The following ABTB2 variants were observed in gnomAD, a reference collection of about 807,000 sequenced individuals.
ABTB2 encodes ankyrin repeat and BTB/POZ domain-containing protein 2.
In ABTB2, 56 loss-of-function variants were observed where a neutral mutation model predicts 104.1. That is an observed-to-expected ratio of 0.54 (90% CI 0.43 to 0.67). The LOEUF (loss-of-function observed/expected upper bound fraction) is 0.67, where lower values mean the gene tolerates loss of function less well. Ranked by LOEUF, ABTB2 falls within the 30% of genes least tolerant of loss-of-function variation. The pLI, the probability that ABTB2 is intolerant of heterozygous loss-of-function variation, is 0.00. For synonymous variants in ABTB2, 606 were observed against 608.2 expected, an observed-to-expected ratio of 1.00 and a Z score of 0.05; for missense variants, 1,279 against 1,407.7, an observed-to-expected ratio of 0.91 and a Z score of 1.46.
chr11:34,158,116 G>C (rs1852654442), intron 14 of ABTB2, among the ~76,000 whole-genome samples: 1 of 152,180 alleles, frequency 6.6e-6, no homozygotes, highest in Non-Finnish European at 1.5e-5. Flanking sequence ...TCCTCCTACT[G>C]CTTAAAACCT....
At chr11:34,236,352 T>C (rs188735543) in intron 1 of ABTB2, among the ~76,000 whole-genome samples, 17 of 152,332 alleles carry the variant, frequency 1.1e-4, no homozygotes, top group Non-Finnish European at 2.5e-4. Context: ...ACACTTGTCT[T>C]CTACCTCCAG....
At chr11:34,237,304 C>G (rs367645158) in intron 1 of ABTB2, among the ~76,000 whole-genome samples, 1 of 138,252 alleles carries the variant, frequency 7.2e-6, no homozygotes, top group Non-Finnish European at 1.5e-5. Flanking sequence ...TTTTTTAGAC[C>G]GAGTCTCGCT....
At chr11:34,166,041 G>C (rs1461237934) in intron 7 of ABTB2, among the ~76,000 whole-genome samples, 1 of 152,250 alleles carries the variant, frequency 6.6e-6, no homozygotes, top group East Asian at 1.9e-4. Flanking sequence ...AGCCGGTCCT[G>C]GCTCTGCCTT....
intron 10 of ABTB2, among the ~76,000 whole-genome samples, chr11:34,161,823 CAGT>C (rs1852724932): frequency 6.6e-6 from 1 of 152,208 alleles, no homozygotes; most frequent in South Asian, 2.1e-4. Flanking sequence ...GACACATTGA[CAGT>C]AGTGTGGTGT....
chr11:34,355,265 AAAAC>A (rs3832736), intron 1 of ABTB2, among the ~76,000 whole-genome samples: 1 of 151,970 alleles, frequency 6.6e-6, no homozygotes, highest in African/African-American at 2.4e-5. Flanking sequence ...TCCAGTAAGA[AAAAC>A]AAACAAACAA....
chr11:34,327,723 T>C (rs560640491), intron 1 of ABTB2, among the ~76,000 whole-genome samples: 2 of 152,196 alleles, frequency 1.3e-5, no homozygotes, highest in Non-Finnish European at 2.9e-5. Context: ...ATTTCCACTC[T>C]TCCCCCTCTC....
intron 2 of ABTB2, among the ~76,000 whole-genome samples, chr11:34,202,703 G>T (rs1853359184): frequency 6.6e-6 from 1 of 152,144 alleles, no homozygotes; most frequent in African/African-American, 2.4e-5. Context: ...AGCTAGGTGT[G>T]GTAGTGCACA....
intron 1 of ABTB2, among the ~76,000 whole-genome samples, chr11:34,290,625 TG>T (rs1854556345): frequency 6.6e-6 from 1 of 152,150 alleles, no homozygotes; most frequent in Non-Finnish European, 1.5e-5. Flanking sequence ...GAGGATTGCC[TG>T]AGGCCAGGAG....
chr11:34,317,823 G>GTTTGT (rs991795857), intron 1 of ABTB2, among the ~76,000 whole-genome samples: 11 of 151,276 alleles, frequency 7.3e-5, no homozygotes, highest in African/African-American at 2.7e-4. Context: ...GGGGATACAT[G>GTTTGT]TGCATGTTTG....
At chr11:34,319,561 C>T (rs933759231) in intron 1 of ABTB2, among the ~76,000 whole-genome samples, 1 of 152,252 alleles carries the variant, frequency 6.6e-6, no homozygotes, top group Non-Finnish European at 1.5e-5. Flanking sequence ...TCAGCCAGAC[C>T]TGAGCGTGAG....
intron 1 of ABTB2, among the ~76,000 whole-genome samples, chr11:34,276,185 C>T (rs527854035): frequency 1.0e-3 from 149 of 149,300 alleles, no homozygotes; most frequent in Middle Eastern, 3.4e-3. Context: ...AGCCATGTCA[C>T]AAATCCTGGT....
At chr11:34,330,312 T>G (rs1855113514) in intron 1 of ABTB2, among the ~76,000 whole-genome samples, 1 of 152,212 alleles carries the variant, frequency 6.6e-6, no homozygotes, top group Non-Finnish European at 1.5e-5. Context: ...GATCCAAGAT[T>G]AGGATTTGGG....
intron 3 of ABTB2, among the ~76,000 whole-genome samples, chr11:34,179,495 C>T (rs1006342987): frequency 5.3e-5 from 8 of 152,164 alleles, no homozygotes; most frequent in African/African-American, 1.4e-4. Flanking sequence ...TGGTGGCACA[C>T]GGTCTGGTGA....
chr11:34,296,204 C>T (rs564919505), intron 1 of ABTB2, among the ~76,000 whole-genome samples: 4 of 152,178 alleles, frequency 2.6e-5, no homozygotes, highest in African/African-American at 9.6e-5. Flanking sequence ...CATTGAGCTC[C>T]CTTGATGCCA....
Position 34,197,366 on chromosome 11 carries a change from G to A in ABTB2, c.1203C>T (p.Asn401=). 2 of 1,613,986 alleles carry A rather than the reference G, an allele frequency of 1.2e-6. No individual in the cohort carries two copies. Among genetic ancestry groups the A allele is most frequent in the Non-Finnish European group, 8.5e-7 (1 of 1,179,984 alleles). ...TCATTCTCGGGGGGTCCAGGTTGGG[G>A]TTCTCCATGGACTCCATCTGTGGAC... ...LRCPQMESME[N]PNLDPPRMTL... Residue 401 remains asparagine (N), a synonymous_variant, in exon 3 of 17, where the codon AAC becomes AAT. Transcript: ENST00000435224.
At chr11:34,317,882 C>T (rs539223958) in intron 1 of ABTB2, among the ~76,000 whole-genome samples, 1 of 152,000 alleles carries the variant, frequency 6.6e-6, no homozygotes, top group East Asian at 1.9e-4. Flanking sequence ...TTCTAGCATA[C>T]CTATCATTCA....
intron 1 of ABTB2, among the ~76,000 whole-genome samples, chr11:34,307,624 G>C (rs966178761): frequency 1.3e-5 from 2 of 152,078 alleles, no homozygotes; most frequent in African/African-American, 2.4e-5. Flanking sequence ...AATTTCCCTG[G>C]GGACACAGAT....
chr11:34,294,718 ATT>A (rs35936764), intron 1 of ABTB2, among the ~76,000 whole-genome samples: 86 of 145,312 alleles, frequency 5.9e-4, no homozygotes, highest in African/African-American at 1.9e-3. Flanking sequence ...TACAAAAACA[ATT>A]TTTTTTTTTT....
chr11:34,173,103 C>A, intron 4 of ABTB2, 52 bp downstream of exon 4: 4 of 1,609,540 alleles, frequency 2.5e-6, no homozygotes, highest in Non-Finnish European at 3.4e-6. Context: ...AGAGGGGAGC[C>A]GCTGGGGGCA....
Sources: gnomAD v4.1 joint callset for allele counts (sites outside exome capture counted in the v4.1 genomes callset) on GRCh38, gnomAD v4.1.1 for gene constraint, MANE v1.5 for transcripts, NCBI Gene and HGNC (gene_info 2026-07-23, HGNC 2026-07-21) for gene names.